The following NEK4 variants were observed in gnomAD, a reference collection of about 807,000 sequenced individuals.
The protein encoded by NEK4 is serine/threonine-protein kinase Nek4.
Under a neutral mutation model 98.4 loss-of-function variants are expected in NEK4, and 86 were observed. That is an observed-to-expected ratio of 0.87 (90% CI 0.73 to 1.05). The LOEUF is 1.05. Among genes scored for constraint, NEK4 ranks in the 50% least tolerant of loss-of-function variants. The pLI, the probability that NEK4 is intolerant of heterozygous loss-of-function variation, is 0.00. For synonymous variants in NEK4, 328 were observed against 342.2 expected (o/e 0.96, Z 0.46); for missense variants, 898 against 950.3 (o/e 0.94, Z 0.72).
chr3:52,767,557 C>CAA (rs11368746), intron 2 of NEK4, among the ~76,000 whole-genome samples: 21 of 145,294 alleles, frequency 1.4e-4, no homozygotes, highest in Middle Eastern at 3.6e-3. Context: ...ACTAAAAATA[C>CAA]AAAAAAAAAA....
intron 15 of NEK4, among the ~76,000 whole-genome samples, chr3:52,720,662 A>AG (rs1189805871): frequency 6.6e-6 from 1 of 152,228 alleles, no homozygotes; most frequent in African/African-American, 2.4e-5. Context: ...TTCCATATCT[A>AG]GCAAATCTAT....
intron 15 of NEK4, among the ~76,000 whole-genome samples, chr3:52,725,577 A>G (rs971339925): frequency 6.6e-6 from 1 of 152,166 alleles, no homozygotes; most frequent in African/African-American, 2.4e-5. Context: ...TGTGACATCA[A>G]TAACTAGAAG....
chr3:52,745,304 G>A (rs1396486472), intron 10 of NEK4, among the ~76,000 whole-genome samples: 1 of 151,858 alleles, frequency 6.6e-6, no homozygotes, highest in Non-Finnish European at 1.5e-5. Context: ...GCTGAGGCCG[G>A]GTGCGGTGGT....
In NEK4 at chr3:52,708,493, T is replaced by C. The variant is rs147659930; in HGVS notation, c.*3284A>G. The C allele has an allele frequency of 3.3e-5, 5 of 152,350 alleles. No individual in the cohort carries two copies. Among genetic ancestry groups the C allele is most frequent in the Non-Finnish European group, 5.9e-5 (4 of 68,026 alleles). The allele number at this position is 152,350 out of a possible 1,614,324, so 9.4% of individuals were successfully genotyped here. On this transcript the variant is annotated 3_prime_UTR_variant, in exon 16 of 16. Transcript: ENST00000233027. ...TGAATGAGAACTGCATTGTACAATATGGTGCCACTAGACACGTCTATTTAA... is the reference window on the plus strand; with the variant it reads ...TGAATGAGAACTGCATTGTACAATACGGTGCCACTAGACACGTCTATTTAA...
chr3:52,719,950 C>G (rs1248363513), intron 15 of NEK4, among the ~76,000 whole-genome samples: 1 of 151,888 alleles, frequency 6.6e-6, no homozygotes, highest in Non-Finnish European at 1.5e-5. Context: ...TTAACTGCAC[C>G]AAATATGTAT....
intron 12 of NEK4, 108 bp from the exon 13 acceptor site, chr3:52,741,607 A>G: frequency 1.5e-6 from 1 of 646,242 alleles, no homozygotes; most frequent in Non-Finnish European, 2.8e-6. Flanking sequence ...TCCTAGGTGC[A>G]ATATAACAGG....
intron 6 of NEK4, among the ~76,000 whole-genome samples, chr3:52,758,053 C>T (rs1027279256): frequency 6.6e-6 from 1 of 151,622 alleles, no homozygotes; most frequent in Non-Finnish European, 1.5e-5. Flanking sequence ...GTGGCGTGTA[C>T]CTGTAATCCC....
intron 15 of NEK4, among the ~76,000 whole-genome samples, chr3:52,725,859 A>G (rs541863914): frequency 6.6e-6 from 1 of 152,304 alleles, no homozygotes; most frequent in Non-Finnish European, 1.5e-5. Flanking sequence ...AAATAACATA[A>G]GTCCCTCCTT....
chr3:52,755,246 G>C (rs898374856), intron 6 of NEK4, among the ~76,000 whole-genome samples: 1 of 151,918 alleles, frequency 6.6e-6, no homozygotes, highest in Non-Finnish European at 1.5e-5. Context: ...GAGCTTACCA[G>C]GGCCTGACGA....
chr3:52,761,538 G>A (rs1248852441), intron 5 of NEK4, among the ~76,000 whole-genome samples: 2 of 151,992 alleles, frequency 1.3e-5, no homozygotes, highest in Admixed American at 6.6e-5. Flanking sequence ...TGCCAGCCTC[G>A]GCCTCCCAAA....
At chr3:52,713,873 A>G (rs2097352731) in intron 15 of NEK4, among the ~76,000 whole-genome samples, 1 of 152,094 alleles carries the variant, frequency 6.6e-6, no homozygotes, top group African/African-American at 2.4e-5. Context: ...GACATAATTA[A>G]ATATAAAATG....
intron 7 of NEK4, among the ~76,000 whole-genome samples, chr3:52,750,528 C>G (rs1302295993): frequency 1.3e-5 from 2 of 152,136 alleles, no homozygotes; most frequent in Non-Finnish European, 2.9e-5. Flanking sequence ...GCCTGGGTGA[C>G]AGAGTGAGAC....
rs1363811099 is a variant in NEK4, at chr3:52,710,051, A to C, written c.*1726T>G. ...GCTCCTGGCAGAGAACCTGGCACAC[A>C]GTAAACTCTAAATAAAAATCTGTTA... On this transcript the variant is annotated 3_prime_UTR_variant, in exon 16 of 16. Coordinates refer to ENST00000233027, the MANE Select transcript of NEK4 (RefSeq NM_003157.6). 6.6e-6 allele frequency: 1 copy of C among 152,254 alleles called. No individual in the cohort carries two copies. The highest frequency in any genetic ancestry group is 6.5e-5 in the Admixed American group (1 of 15,268). 9.4% of individuals were successfully genotyped at this position (152,254 alleles called of 1,614,324 possible). A position where few individuals can be genotyped will look rare whatever the true frequency, so the allele number is the denominator to read the frequency against.
At chr3:52,754,462 T>G in intron 6 of NEK4, 1 of 636,612 alleles carries the variant, frequency 1.6e-6, no homozygotes, top group Non-Finnish European at 3.0e-6. Flanking sequence ...GTAAAGTGGT[T>G]GACAGTGTTA....
At chr3:52,730,521 T>C (rs747152349) in intron 15 of NEK4, among the ~76,000 whole-genome samples, 2 of 152,220 alleles carry the variant, frequency 1.3e-5, no homozygotes, top group Non-Finnish European at 2.9e-5. Flanking sequence ...CTTATGAACA[T>C]TCATTCGAAA....
intron 2 of NEK4, 27 bp from the exon 3 acceptor site, chr3:52,766,402 CATATAA>C (rs751202674): frequency 3.6e-5 from 54 of 1,499,372 alleles, no homozygotes; most frequent in Non-Finnish European, 4.7e-5. Context: ...GATTTTATTA[CATATAA>C]ATAGACTTAA....
At position 52,741,375 on chromosome 3, in the gene NEK4, T is replaced by C. The variant is rs766711546; in HGVS notation, c.2093+36A>G. 1.4e-5 allele frequency: 17 copies of C among 1,189,612 alleles called. No individual in the cohort carries two copies. The African/African-American group carries it at 1.7e-4, about 12-fold the overall frequency. 73.7% of individuals were successfully genotyped at this position (1,189,612 alleles called of 1,614,324 possible). On this transcript the variant is annotated intron_variant, in intron 13 of 15. Coordinates refer to ENST00000233027, the MANE Select transcript of NEK4 (RefSeq NM_003157.6). Reference sequence around the variant, plus strand: ...CATTTAATATTCATTAAAACAGAAATAGTTTATAAAGGGAGACAGAAAAAC... The same window carrying C: ...CATTTAATATTCATTAAAACAGAAACAGTTTATAAAGGGAGACAGAAAAAC...
intron 15 of NEK4, among the ~76,000 whole-genome samples, chr3:52,720,519 A>G (rs1561285325): frequency 6.6e-6 from 1 of 152,206 alleles, no homozygotes; most frequent in African/African-American, 2.4e-5. Flanking sequence ...AAACCTTGAA[A>G]GCAGCAAGAT....
chr3:52,743,102 C>T, intron 12 of NEK4: 1 of 375,780 alleles, frequency 2.7e-6, no homozygotes, highest in Non-Finnish European at 4.9e-6. Context: ...CCTGTTAAGA[C>T]CAACCTATGA....
Sources: gnomAD v4.1 joint callset for allele counts (sites outside exome capture counted in the v4.1 genomes callset) on GRCh38, gnomAD v4.1.1 for gene constraint, MANE v1.5 for transcripts, NCBI Gene and HGNC (gene_info 2026-07-23, HGNC 2026-07-21) for gene names.